ITFG1: variants seen among roughly 807,000 people sequenced by gnomAD.
ITFG1 encodes T-cell immunomodulatory protein.
ITFG1 carries 34 observed loss-of-function variants against 81.8 expected under a neutral mutation model. That is an observed-to-expected ratio of 0.42 (90% CI 0.32 to 0.55). The LOEUF (loss-of-function observed/expected upper bound fraction) is 0.55. Among genes scored for constraint, ITFG1 ranks in the 20% least tolerant of loss-of-function variants. The pLI, the probability that ITFG1 is intolerant of heterozygous loss-of-function variation, is 0.17. For missense variants in ITFG1, 672 were observed against 755.4 expected (o/e 0.89, Z 1.29); for synonymous variants, 285 against 270.6 (o/e 1.05, Z -0.52).
At chr16:47,427,263 G>C (rs1016701771) in intron 6 of ITFG1, among the ~76,000 whole-genome samples, 2 of 152,134 alleles carry the variant, frequency 1.3e-5, no homozygotes, top group Non-Finnish European at 2.9e-5. Flanking sequence ...TAATATCACA[G>C]AAGAGAGAGA....
intron 10 of ITFG1, among the ~76,000 whole-genome samples, chr16:47,282,472 A>T (rs1966460532): frequency 1.3e-5 from 2 of 151,936 alleles, no homozygotes; most frequent in South Asian, 2.1e-4. Context: ...TGATATATAT[A>T]TTTTTTTATC....
Position 47,161,761 on chromosome 16 carries a change from A to G in ITFG1, c.1650T>C (p.Asn550=), listed in dbSNP as rs747492135. 1.9e-6 allele frequency: 3 copies of G among 1,607,918 alleles called. No homozygotes were observed. Among genetic ancestry groups the G allele is most frequent in the Admixed American group, 1.7e-5 (1 of 59,978 alleles). The change falls in exon 16 of 18, where the codon AAT becomes AAC. Residue 550 remains asparagine, a synonymous_variant. Coordinates refer to ENST00000320640, the MANE Select transcript of ITFG1 (RefSeq NM_030790.5). The part of the protein sequence containing the change: ...SQLIVIPYPH[N]VPRSWSAKLY... ...AGCAAGTACATTACCTTCGAGGGACATTGTGAGGGTATGGAATGACAATTA... is the reference window on the plus strand; with the variant it reads ...AGCAAGTACATTACCTTCGAGGGACGTTGTGAGGGTATGGAATGACAATTA...
chr16:47,411,337 T>C (rs945182679), intron 6 of ITFG1, among the ~76,000 whole-genome samples: 1 of 151,668 alleles, frequency 6.6e-6, no homozygotes, highest in Non-Finnish European at 1.5e-5. Flanking sequence ...ACAACCCCAG[T>C]GATTTGGGGG....
At chr16:47,366,338 G>C (rs1968176539) in intron 7 of ITFG1, among the ~76,000 whole-genome samples, 1 of 152,104 alleles carries the variant, frequency 6.6e-6, no homozygotes, top group Non-Finnish European at 1.5e-5. Context: ...GAACAATTAA[G>C]AAAAGATATT....
chr16:47,313,682 C>G (rs769339337), intron 9 of ITFG1, 47 bp downstream of exon 9: 2 of 1,028,226 alleles, frequency 1.9e-6, no homozygotes, highest in South Asian at 1.5e-5. Flanking sequence ...AGATTTTTTT[C>G]CAAGCACATA....
chr16:47,287,812 T>C (rs1314021419), intron 10 of ITFG1, among the ~76,000 whole-genome samples: 3 of 152,244 alleles, frequency 2.0e-5, no homozygotes, highest in Admixed American at 1.3e-4. Context: ...TTTATGTGCC[T>C]TTTTATCCTA....
At chr16:47,286,577 T>C (rs1412811832) in intron 10 of ITFG1, among the ~76,000 whole-genome samples, 2 of 151,342 alleles carry the variant, frequency 1.3e-5, no homozygotes, top group Non-Finnish European at 1.5e-5. Context: ...GAGGCAGAGG[T>C]TGTGGTGAGC....
intron 2 of ITFG1, among the ~76,000 whole-genome samples, chr16:47,454,746 T>C (rs1969431233): frequency 6.6e-6 from 1 of 152,104 alleles, no homozygotes; most frequent in Non-Finnish European, 1.5e-5. Context: ...TTTTTCCTTT[T>C]CATAGGTATT....
intron 6 of ITFG1, among the ~76,000 whole-genome samples, chr16:47,423,173 T>C (rs1178980665): frequency 6.6e-6 from 1 of 152,198 alleles, no homozygotes; most frequent in African/African-American, 2.4e-5. Flanking sequence ...TTTACCATTA[T>C]GTAGTGGCCT....
At chr16:47,226,778 A>C (rs1413816049) in intron 13 of ITFG1, among the ~76,000 whole-genome samples, 14 of 152,142 alleles carry the variant, frequency 9.2e-5, no homozygotes, top group Admixed American at 9.2e-4. Flanking sequence ...GAGATAAGGG[A>C]ATATGCTATC....
At chr16:47,290,634 T>C (rs1966894388) in intron 10 of ITFG1, among the ~76,000 whole-genome samples, 2 of 152,192 alleles carry the variant, frequency 1.3e-5, no homozygotes, top group Admixed American at 1.3e-4. Context: ...ACCAGCTCAA[T>C]TGGCTTCTGT....
intron 14 of ITFG1, among the ~76,000 whole-genome samples, chr16:47,203,967 C>T (rs953064660): frequency 2.6e-5 from 4 of 152,152 alleles, no homozygotes; most frequent in Non-Finnish European, 4.4e-5. Flanking sequence ...GATGGTTGCA[C>T]ACAGTGTGAA....
chr16:47,403,807 C>CACAG (rs3222534), intron 6 of ITFG1, among the ~76,000 whole-genome samples: 1 of 144,966 alleles, frequency 6.9e-6, no homozygotes, highest in Non-Finnish European at 1.5e-5. Context: ...CACACACACA[C>CACAG]AGAGGGAGAG....
intron 6 of ITFG1, among the ~76,000 whole-genome samples, chr16:47,386,650 A>G (rs1968466347): frequency 6.6e-6 from 1 of 152,180 alleles, no homozygotes; most frequent in Non-Finnish European, 1.5e-5. Context: ...AAAGGGAAGC[A>G]AAGATCAGAA....
At chr16:47,272,130 TTA>T (rs1411200484) in intron 10 of ITFG1, among the ~76,000 whole-genome samples, 1 of 152,116 alleles carries the variant, frequency 6.6e-6, no homozygotes, top group Admixed American at 6.5e-5. Context: ...CTTGAAAACA[TTA>T]TACCAAGTCA....
chr16:47,176,878 A>G (rs767283583), intron 14 of ITFG1, among the ~76,000 whole-genome samples: 1 of 152,190 alleles, frequency 6.6e-6, no homozygotes, highest in African/African-American at 2.4e-5. Context: ...CAATTAAAAA[A>G]TACACTATCA....
chr16:47,324,448 C>T lies in ITFG1; in HGVS notation c.803-10625G>A, dbSNP rs539157378. ...ATCAACTAACAAGCAAAATAGCCAG[C>T]TAACATCATAATGACAGGATCAAAT... is the stretch of plus-strand genomic sequence containing the variant. On this transcript the variant is annotated intron_variant, in intron 8 of 17. Coordinates refer to ENST00000320640, the MANE Select transcript of ITFG1 (RefSeq NM_030790.5). Among the ~76,000 whole-genome samples, 97 of 152,230 alleles carry T rather than the reference C, an allele frequency of 6.4e-4. 1 individual carries two copies. The highest frequency in any genetic ancestry group is 2.1e-3 in the African/African-American group (86 of 41,522).
chr16:47,275,294 C>T (rs1215490182), intron 10 of ITFG1, among the ~76,000 whole-genome samples: 2 of 152,040 alleles, frequency 1.3e-5, no homozygotes, highest in African/African-American at 2.4e-5. Context: ...TATTATATTT[C>T]TTCAACTGCT....
intron 7 of ITFG1, among the ~76,000 whole-genome samples, chr16:47,366,395 A>C (rs978402930): frequency 6.6e-6 from 1 of 152,150 alleles, no homozygotes; most frequent in African/African-American, 2.4e-5. Context: ...CAATCCATCA[A>C]CTCAAGTTTA....
Sources: gnomAD v4.1 joint callset for allele counts (sites outside exome capture counted in the v4.1 genomes callset) on GRCh38, gnomAD v4.1.1 for gene constraint, MANE v1.5 for transcripts, NCBI Gene and HGNC (gene_info 2026-07-23, HGNC 2026-07-21) for gene names.